The following SMYD3 variants were observed in gnomAD, a reference collection of about 807,000 sequenced individuals.
The protein encoded by SMYD3 is SET and MYND domain containing 3.
In SMYD3, 36 loss-of-function variants were observed where a neutral mutation model predicts 57.7. That is an observed-to-expected ratio of 0.62 (90% CI 0.48 to 0.82). The LOEUF (loss-of-function observed/expected upper bound fraction) is 0.82. Ranked by LOEUF, SMYD3 falls within the 40% of genes least tolerant of loss-of-function variation. SMYD3 has a pLI of 0.00. For missense variants in SMYD3, 515 were observed against 538.8 expected, an observed-to-expected ratio of 0.96 and a Z score of 0.44; for synonymous variants, 211 against 195.0, an observed-to-expected ratio of 1.08 and a Z score of -0.68.
chr1:246,253,963 T>C (rs10754502), intron 5 of SMYD3, among the ~76,000 whole-genome samples: 31,491 of 152,014 alleles, frequency 0.21, 3,954 homozygotes, highest in East Asian at 0.58. Flanking sequence ...TATATTCCCA[T>C]CCACATAAGT....
chr1:245,889,978 T>C (rs2053291404), intron 8 of SMYD3, among the ~76,000 whole-genome samples: 2 of 152,038 alleles, frequency 1.3e-5, no homozygotes, highest in Admixed American at 6.6e-5. Context: ...GCCAAGAACA[T>C]ACACTGGGGG....
chr1:245,923,182 T>A (rs1472248505), intron 7 of SMYD3, among the ~76,000 whole-genome samples: 1 of 152,100 alleles, frequency 6.6e-6, no homozygotes, highest in Non-Finnish European at 1.5e-5. Flanking sequence ...GTTTGTGATA[T>A]CCCAAATCTA....
chr1:246,262,544 C>A (rs2064030474), intron 5 of SMYD3, among the ~76,000 whole-genome samples: 1 of 152,152 alleles, frequency 6.6e-6, no homozygotes, highest in Non-Finnish European at 1.5e-5. Flanking sequence ...CAGACAGACA[C>A]AGTTTCCATT....
intron 2 of SMYD3, among the ~76,000 whole-genome samples, chr1:246,344,183 T>C (rs892155338): frequency 1.3e-5 from 2 of 152,060 alleles, no homozygotes; most frequent in African/African-American, 4.8e-5. Flanking sequence ...ACACCCAGCT[T>C]TGATAAGTTA....
At chr1:246,106,782 G>C (rs1354933027) in intron 5 of SMYD3, among the ~76,000 whole-genome samples, 1 of 152,132 alleles carries the variant, frequency 6.6e-6, no homozygotes, top group East Asian at 1.9e-4. Flanking sequence ...TGGAGCCATG[G>C]GGACAATGGA....
intron 1 of SMYD3, among the ~76,000 whole-genome samples, chr1:246,414,324 T>C (rs1271620008): frequency 6.6e-6 from 1 of 152,168 alleles, no homozygotes; most frequent in Non-Finnish European, 1.5e-5. Flanking sequence ...AGATTTTTCT[T>C]GGAAAATATG....
chr1:246,302,699 T>C (rs2064912055), intron 5 of SMYD3, among the ~76,000 whole-genome samples: 1 of 152,094 alleles, frequency 6.6e-6, no homozygotes, highest in Non-Finnish European at 1.5e-5. Context: ...TCAAGAAAAT[T>C]ACTGCGATGT....
At chr1:246,187,297 A>AG (rs2062658114) in intron 5 of SMYD3, among the ~76,000 whole-genome samples, 1 of 152,022 alleles carries the variant, frequency 6.6e-6, no homozygotes, top group Non-Finnish European at 1.5e-5. Flanking sequence ...CAAAAAAAAA[A>AG]AAAAGAAAAG....
chr1:246,002,922 C>T (rs12082369), intron 5 of SMYD3, among the ~76,000 whole-genome samples: 4,000 of 152,286 alleles, frequency 0.026, 167 homozygotes, highest in African/African-American at 0.082. Flanking sequence ...GCCACCTCCT[C>T]TTACAGTAGT....
At chr1:245,954,159 T>C (rs1282746085) in intron 5 of SMYD3, among the ~76,000 whole-genome samples, 1 of 152,244 alleles carries the variant, frequency 6.6e-6, no homozygotes, top group South Asian at 2.1e-4. Flanking sequence ...GAAAAGTGTA[T>C]TTCTCCTTAG....
intron 1 of SMYD3, among the ~76,000 whole-genome samples, chr1:246,499,552 G>A (rs12136794): frequency 0.14 from 20,678 of 151,708 alleles, 1,674 homozygotes; most frequent in Non-Finnish European, 0.18. Context: ...CACCTCCCAG[G>A]TGCAAGCGAT....
At chr1:245,830,280 G>A (rs1485903980) in intron 10 of SMYD3, among the ~76,000 whole-genome samples, 1 of 152,156 alleles carries the variant, frequency 6.6e-6, no homozygotes, top group Non-Finnish European at 1.5e-5. Flanking sequence ...ACATGGCTGG[G>A]GAGGCCTCAC....
At chr1:246,302,366 A>G (rs1396165750) in intron 5 of SMYD3, among the ~76,000 whole-genome samples, 2 of 152,140 alleles carry the variant, frequency 1.3e-5, no homozygotes, top group Non-Finnish European at 2.9e-5. Flanking sequence ...GTCATAGCCA[A>G]CAAATTCCTT....
At chr1:246,216,972 T>C (rs1318405408) in intron 5 of SMYD3, among the ~76,000 whole-genome samples, 1 of 152,084 alleles carries the variant, frequency 6.6e-6, no homozygotes, top group Non-Finnish European at 1.5e-5. Context: ...CCAAGGACTA[T>C]ATGCTGTGAG....
rs1294729166 is a variant in SMYD3, at chr1:245,815,907, A to G, written c.1076+42589T>C. 2.0e-5 allele frequency among the ~76,000 whole-genome samples: 3 copies of G among 152,118 alleles called. No homozygotes were observed. The East Asian group carries it at 5.8e-4, about 29-fold the overall frequency. On this transcript the variant is annotated intron_variant, in intron 10 of 11. Coordinates refer to ENST00000490107, the MANE Select transcript of SMYD3 (RefSeq NM_001167740.2). ...GGGTCTTGTGATTCCAAAGCCCATG[A>G]TCCTTCGGATTCATCAAAGCTCCAC...
chr1:245,809,872 G>T (rs2048366262), intron 10 of SMYD3, among the ~76,000 whole-genome samples: 1 of 152,158 alleles, frequency 6.6e-6, no homozygotes, highest in Admixed American at 6.5e-5. Flanking sequence ...TTTGGAATTA[G>T]CTGTACTGAG....
chr1:245,780,245 T>A (rs2046776008), intron 10 of SMYD3, among the ~76,000 whole-genome samples: 1 of 152,214 alleles, frequency 6.6e-6, no homozygotes, highest in Non-Finnish European at 1.5e-5. Flanking sequence ...AGCAGTGCTA[T>A]TCATAATGGC....
intron 5 of SMYD3, among the ~76,000 whole-genome samples, chr1:246,213,645 G>C (rs57826955): frequency 0.27 from 40,414 of 152,016 alleles, 6,112 homozygotes; most frequent in East Asian, 0.58. Context: ...CGCCAGGACA[G>C]TGGCCCTGTT....
At chr1:246,310,097 T>C (rs2148630569) in intron 5 of SMYD3, among the ~76,000 whole-genome samples, 1 of 152,270 alleles carries the variant, frequency 6.6e-6, no homozygotes, top group Admixed American at 6.5e-5. Flanking sequence ...GGAAAAAAAT[T>C]TGCTGTACAA....
Sources: allele counts gnomAD v4.1 joint callset (sites outside exome capture counted in the v4.1 genomes callset), GRCh38; gene constraint gnomAD v4.1.1; transcripts MANE v1.5; gene names NCBI Gene and HGNC (gene_info 2026-07-23, HGNC 2026-07-21).